Variants in CYP3A43 observed in about 807,000 individuals in gnomAD.
CYP3A43 encodes cytochrome P450 3A43.
A neutral mutation model predicts 58.0 loss-of-function variants in CYP3A43; 45 were observed. The ratio of observed to expected loss-of-function variants is 0.78; its 90% confidence interval spans 0.61 to 0.99. The LOEUF (loss-of-function observed/expected upper bound fraction) is 0.99, where lower values mean the gene tolerates loss of function less well. Ranked by LOEUF, CYP3A43 falls within the 50% of genes least tolerant of loss-of-function variation. The probability of loss-of-function intolerance (pLI) is 0.00; values close to 1 mark genes in which losing one functional copy is unlikely to be tolerated. For synonymous variants in CYP3A43, 191 were observed against 201.4 expected, an observed-to-expected ratio of 0.95 and a Z score of 0.44; for missense variants, 593 against 591.9, an observed-to-expected ratio of 1.00 and a Z score of -0.02.
At chr7:99,838,244 C>T (rs1398941052) in intron 2 of CYP3A43, among the ~76,000 whole-genome samples, 1 of 152,230 alleles carries the variant, frequency 6.6e-6, no homozygotes, top group Non-Finnish European at 1.5e-5. Context: ...TGAGTCCACT[C>T]TGTCATTTGC....
At chr7:99,833,785 A>G (rs565790348) in intron 1 of CYP3A43, among the ~76,000 whole-genome samples, 1 of 152,336 alleles carries the variant, frequency 6.6e-6, no homozygotes, top group South Asian at 2.1e-4. Context: ...GGTTAATGCC[A>G]CAACTGTGCG....
At chr7:99,834,977 G>A (rs1404859124) in intron 1 of CYP3A43, among the ~76,000 whole-genome samples, 2 of 152,180 alleles carry the variant, frequency 1.3e-5, no homozygotes, top group South Asian at 2.1e-4. Context: ...TCAGCTAGTT[G>A]AGCAAATAAG....
intron 1 of CYP3A43, among the ~76,000 whole-genome samples, chr7:99,832,228 T>C (rs1816872554): frequency 6.6e-6 from 1 of 151,046 alleles, no homozygotes; most frequent in Admixed American, 6.6e-5. Flanking sequence ...ATACACAAAC[T>C]CATTATTAGT....
chr7:99,844,246 G>A lies in CYP3A43; in HGVS notation c.318+4G>A. On this transcript the variant is annotated splice_donor_region_variant and intron_variant, in intron 4 of 12. Transcript: ENST00000354829. ...CTCTGTCTTCACAAACCAGATGGTA[G>A]GCCTATATTTTCAAATGTATTAATC... is the stretch of plus-strand genomic sequence containing the variant. 5 of 1,610,482 alleles carry A rather than the reference G, an allele frequency of 3.1e-6. No individual in the cohort carries two copies. The highest frequency in any genetic ancestry group is 4.2e-6 in the Non-Finnish European group (5 of 1,178,704).
intron 7 of CYP3A43, among the ~76,000 whole-genome samples, chr7:99,851,097 G>A (rs1452031097): frequency 1.3e-5 from 2 of 151,692 alleles, no homozygotes; most frequent in Non-Finnish European, 2.9e-5. Context: ...ACCCAGAGGT[G>A]GAGGTTACAG....
chr7:99,856,846 TCTTTCAACAGATGATCGA>T lies in CYP3A43; in HGVS notation c.815_832del (p.Phe272_Asp277del). ...TTTTGCTTCCAGCATCGAGTAGATT[TCTTTCAACAGATGATCGA>T]CTCCCAGAATTCCAAAGAAACAAAG... On this transcript the variant is annotated inframe_deletion, in exon 9 of 13. Transcript: ENST00000354829. 1.2e-6 allele frequency: 2 copies of T among 1,614,076 alleles called. No homozygotes were observed. Among genetic ancestry groups the T allele is most frequent in the Non-Finnish European group, 1.7e-6 (2 of 1,179,988 alleles).
intron 2 of CYP3A43, among the ~76,000 whole-genome samples, chr7:99,837,971 A>G (rs1374681234): frequency 1.3e-5 from 2 of 152,180 alleles, no homozygotes; most frequent in Non-Finnish European, 2.9e-5. Flanking sequence ...CAAAATTACC[A>G]CTTAAGAATT....
At chr7:99,855,561 T>C (rs1358039656) in intron 7 of CYP3A43, 30 bp from the exon 8 acceptor site, 1 of 1,575,298 alleles carries the variant, frequency 6.3e-7, no homozygotes, top group African/African-American at 1.4e-5. Flanking sequence ...TATGATTTAT[T>C]TTTTCTTTTT....
At chr7:99,828,571 G>A (rs754342709) in intron 1 of CYP3A43, among the ~76,000 whole-genome samples, 8 of 152,016 alleles carry the variant, frequency 5.3e-5, no homozygotes, top group Non-Finnish European at 1.0e-4. Flanking sequence ...TGAGGCAGGA[G>A]AATCGCTTGA....
chr7:99,833,598 T>G (rs1462479222), intron 1 of CYP3A43, among the ~76,000 whole-genome samples: 1 of 152,174 alleles, frequency 6.6e-6, no homozygotes, highest in Non-Finnish European at 1.5e-5. Flanking sequence ...TCAGGGGAAG[T>G]TGGGTTTTTT....
At position 99,849,871 on chromosome 7, in the gene CYP3A43, C is replaced by A. The variant is rs111938465; in HGVS notation, c.670+177C>A. 7.7e-5 allele frequency: 54 copies of A among 705,832 alleles called. No homozygotes were observed. In the African/African-American group the frequency reaches 9.2e-4, roughly 12 times the overall value. The allele number at this position is 705,832 out of a possible 1,614,324, so 43.7% of individuals were successfully genotyped here. On this transcript the variant is annotated intron_variant, in intron 7 of 12. Coordinates refer to ENST00000354829, the MANE Select transcript of CYP3A43 (RefSeq NM_057095.3). ...ACCAACATCATTGTTAACTTCTGGACATTTTTGTAAACTTCTGAACATTTT... is the reference window on the plus strand; with the variant it reads ...ACCAACATCATTGTTAACTTCTGGAAATTTTTGTAAACTTCTGAACATTTT...
At position 99,849,714 on chromosome 7, in the gene CYP3A43, A is replaced by ATT; in HGVS notation, c.670+22_670+23dup. 1 of 1,524,822 alleles carries ATT rather than the reference A, an allele frequency of 6.6e-7. No individual in the cohort carries two copies. Among genetic ancestry groups the ATT allele is most frequent in the Non-Finnish European group, 8.7e-7 (1 of 1,145,020 alleles). The allele number at this position is 1,524,822 out of a possible 1,614,324, so 94.5% of individuals were successfully genotyped here. Reference sequence around the variant, plus strand: ...TAATATGTATGTGGACTTTTATGTTATTTCTCTCTCTCTCTCTCTCTCATC... The same window carrying ATT: ...TAATATGTATGTGGACTTTTATGTTATTTTTCTCTCTCTCTCTCTCTCTCATC... On this transcript the variant is annotated intron_variant, in intron 7 of 12. Coordinates refer to ENST00000354829, the MANE Select transcript of CYP3A43 (RefSeq NM_057095.3).
intron 1 of CYP3A43, among the ~76,000 whole-genome samples, chr7:99,832,837 G>A (rs1293854770): frequency 1.3e-5 from 2 of 151,930 alleles, no homozygotes; most frequent in African/African-American, 4.8e-5. Flanking sequence ...TAAGTTTCCT[G>A]AGGCCTCCCC....
At chr7:99,865,514 T>C (rs893191622) in intron 12 of CYP3A43, among the ~76,000 whole-genome samples, 2 of 148,840 alleles carry the variant, frequency 1.3e-5, no homozygotes, top group Non-Finnish European at 2.9e-5. Flanking sequence ...GAGGATTACC[T>C]TGCAAGTTTC....
intron 6 of CYP3A43, among the ~76,000 whole-genome samples, chr7:99,849,010 T>C (rs930250065): frequency 3.3e-5 from 5 of 151,900 alleles, no homozygotes; most frequent in Admixed American, 2.0e-4. Flanking sequence ...ATCCCAGGAG[T>C]TGGGGAAAAG....
rs139401065 is a variant in CYP3A43, at chr7:99,861,719, A to G, written c.1133A>G (p.Lys378Arg). 996 of 1,614,062 alleles carry G rather than the reference A, an allele frequency of 6.2e-4. 1 individual carries two copies. Among genetic ancestry groups the G allele is most frequent in the Non-Finnish European group, 8.2e-4 (964 of 1,180,030 alleles). Reference protein sequence around the residue: ...PVVSRVTRVCKKDIEINGVFI... With the variant: ...PVVSRVTRVCRKDIEINGVFI... ...GTTAGTAGAGTTACGAGAGTCTGCA[A>G]GAAAGATATTGAAATCAATGGAGTG... The change falls in exon 11 of 13, where the codon AAG becomes AGG. Residue 378 changes from lysine (K) to arginine (R), a missense_variant. By Grantham distance (26) the Lys-to-Arg change is conservative (BLOSUM62 2). Transcript: ENST00000354829.
At chr7:99,839,427 T>G (rs1415597419) in intron 3 of CYP3A43, 1 of 663,344 alleles carries the variant, frequency 1.5e-6, no homozygotes, top group African/African-American at 1.8e-5. Context: ...CTAAACTCAC[T>G]ATGACAAAGG....
intron 4 of CYP3A43, among the ~76,000 whole-genome samples, chr7:99,846,516 A>G (rs1398617095): frequency 1.3e-5 from 2 of 152,136 alleles, no homozygotes; most frequent in Non-Finnish European, 2.9e-5. Context: ...ATTGACATTT[A>G]TGTCACCCGA....
intron 8 of CYP3A43, 118 bp downstream of exon 8, chr7:99,855,836 C>A (rs755087850): frequency 6.9e-6 from 8 of 1,165,398 alleles, no homozygotes; most frequent in South Asian, 1.5e-5. Flanking sequence ...AACTTTAGAC[C>A]AAGAGGGTTT....
Sources: allele counts gnomAD v4.1 joint callset (sites outside exome capture counted in the v4.1 genomes callset), GRCh38; gene constraint gnomAD v4.1.1; transcripts MANE v1.5; gene names NCBI Gene and HGNC (gene_info 2026-07-23, HGNC 2026-07-21).